CTC1: variants seen among roughly 807,000 people sequenced by gnomAD.
CTC1 encodes CST telomere replication complex component 1, also known as CST complex subunit CTC1.
Under a neutral mutation model 136.3 loss-of-function variants are expected in CTC1, and 91 were observed. The ratio of observed to expected loss-of-function variants is 0.67; its 90% CI spans 0.56 to 0.79. The LOEUF (loss-of-function observed/expected upper bound fraction) is 0.79. CTC1 is among the 30% of genes least tolerant of loss of function. The probability of loss-of-function intolerance (pLI) is 0.00; values close to 1 mark genes in which losing one functional copy is unlikely to be tolerated. For missense variants in CTC1, 1,432 were observed against 1,498.1 expected (o/e 0.96, Z 0.73); for synonymous variants, 606 against 613.8 (o/e 0.99, Z 0.19).
Position 8,234,862 on chromosome 17 carries a change from G to T in CTC1, c.1504C>A (p.Leu502Met). ...LQHSSPGSPS[L>M]GLQLLAPTLD... ...GTAGGAGCCAGGAGTTGCAGTCCCAGGCTGGGGCTCCCAGGAGAGGAATGT... is the reference window on the plus strand; with the variant it reads ...GTAGGAGCCAGGAGTTGCAGTCCCATGCTGGGGCTCCCAGGAGAGGAATGT... Residue 502 changes from leucine (L) to methionine (M), a missense_variant, in exon 9 of 23, where the codon CTG (leucine) becomes ATG (methionine). Transcript: ENST00000651323. 1 of 1,613,274 alleles carries T rather than the reference G, an allele frequency of 6.2e-7. No individual in the cohort carries two copies. The highest frequency in any genetic ancestry group is 8.5e-7 in the Non-Finnish European group (1 of 1,179,600).
rs909730903 is a variant in CTC1 at position 8,235,486 on chromosome 17, T to G, written c.1207-201A>C. ...ATCTCCCATGAGCTCCACTCAGTCT[T>G]GCTGTGGGCTGGGTGGCTCCTGGAT... On this transcript the variant is annotated intron_variant, in intron 7 of 22. Transcript: ENST00000651323. 3 of 602,756 alleles carry G rather than the reference T, an allele frequency of 5.0e-6. No homozygotes were observed. The East Asian group carries it at 8.3e-5, about 17-fold the overall frequency. The allele number at this position is 602,756 out of a possible 1,614,324, so 37.3% of individuals were successfully genotyped here. A position where few individuals can be genotyped will look rare whatever the true frequency, so the allele number is the denominator to read the frequency against.
chr17:8,242,531 GAGAAAAAA>G (rs374822063), intron 2 of CTC1, among the ~76,000 whole-genome samples: 842 of 79,468 alleles, frequency 0.011, 3 homozygotes, highest in Middle Eastern at 0.047. Flanking sequence ...ATAGTGTAGA[GAGAAAAAA>G]AAAAAAAAAA....
intron 1 of CTC1, 87 bp from the exon 2 acceptor site, chr17:8,243,235 C>G (rs532866429): frequency 7.5e-7 from 1 of 1,324,864 alleles, no homozygotes. Context: ...AAAAAAATAT[C>G]CGGGCCGGGT....
chr17:8,243,240 C>T lies in CTC1; in HGVS notation c.34-92G>A, dbSNP rs947576994. 6.3e-6 allele frequency: 8 copies of T among 1,272,366 alleles called. No homozygotes were observed. The African/African-American group carries it at 1.1e-4, about 17-fold the overall frequency. 78.8% of individuals were successfully genotyped at this position (1,272,366 alleles called of 1,614,324 possible). On this transcript the variant is annotated intron_variant, in intron 1 of 22. Coordinates refer to ENST00000651323, the MANE Select transcript of CTC1 (RefSeq NM_025099.6). ...AAAGGACTAGAAAAAAATATCCGGG[C>T]CGGGTGCGGTGGCTCACGCCTGTAA...
chr17:8,228,560 G>T lies in CTC1; in HGVS notation c.3457C>A (p.Arg1153Ser). Residue 1153 changes from arginine to serine, a missense_variant, in exon 22 of 23, where the codon CGT becomes AGT. Coordinates refer to ENST00000651323, the MANE Select transcript of CTC1 (RefSeq NM_025099.6). Reference protein sequence around the residue: ...WTLCTSPSVLRPIVLSFELER... With the variant: ...WTLCTSPSVLSPIVLSFELER... ...AGCTCAAAAGAAAGCACAATAGGAC[G>T]GAGGACAGAGGGGCTAGTACAAAGT... 6.2e-7 allele frequency: 1 copy of T among 1,614,144 alleles called. No homozygotes were observed. The highest frequency in any genetic ancestry group is 1.1e-5 in the South Asian group (1 of 91,084).
chr17:8,234,681 G>A, intron 9 of CTC1, 26 bp from the exon 10 acceptor site: 1 of 1,592,638 alleles, frequency 6.3e-7, no homozygotes, highest in East Asian at 2.2e-5. Flanking sequence ...GAGAAATCGG[G>A]TGTGTGTCCC....
intron 4 of CTC1, 59 bp from the exon 5 acceptor site, chr17:8,237,578 T>C (rs1987837533): frequency 6.9e-7 from 1 of 1,445,692 alleles, no homozygotes; most frequent in Non-Finnish European, 9.4e-7. Flanking sequence ...GGGAGGAGAA[T>C]CACTTGAACC....
chr17:8,238,289 T>G, intron 3 of CTC1, 47 bp from the exon 4 acceptor site: 1 of 1,562,924 alleles, frequency 6.4e-7, no homozygotes, highest in African/African-American at 1.4e-5. Context: ...TAGCATCCTA[T>G]CCACCCACCT....
chr17:8,228,219 C>G lies in CTC1; in HGVS notation c.3615G>C (p.Glu1205Asp). 1 of 1,614,102 alleles carries G rather than the reference C, an allele frequency of 6.2e-7. No individual in the cohort carries two copies. Among genetic ancestry groups the G allele is most frequent in the South Asian group, 1.1e-5 (1 of 91,078 alleles). The change falls in exon 23 of 23, where the codon GAG (glutamate) becomes GAC (aspartate). Residue 1205 changes from glutamate (E) to aspartate (D), a missense_variant. Transcript: ENST00000651323. ...CAAGGATCCCCAGAGAGCTGGAGTA[C>G]TCTGACTCTCGGATAGAAAGGCAGG... Reference protein sequence around the residue: ...RLSCLSIRESEYSSSLGILAS... With the variant: ...RLSCLSIRESDYSSSLGILAS...
chr17:8,247,887 C>G (rs1988897954), intron 1 of CTC1, 117 bp downstream of exon 1: 1 of 1,032,224 alleles, frequency 9.7e-7, no homozygotes, highest in Non-Finnish European at 1.5e-6. Context: ...AACCCCCTCA[C>G]CCATGGGCCG....
Position 8,231,776 on chromosome 17 carries a change from C to G in CTC1, c.2425G>C (p.Glu809Gln), listed in dbSNP as rs761824247. The change falls in exon 14 of 23, where the codon GAG becomes CAG. Residue 809 changes from glutamate (E) to glutamine (Q), a missense_variant. Coordinates refer to ENST00000651323, the MANE Select transcript of CTC1 (RefSeq NM_025099.6). ...TACACCTGTCCCGGGTGCAAGAACT[C>G]AAACCAGCGGACTGAAGAGCCAAAG... is the stretch of plus-strand genomic sequence containing the variant. ...IFFGSSVRWF[E>Q]FLHPGQVYRL... The G allele has an allele frequency of 6.2e-7, 1 of 1,614,196 alleles. No individual in the cohort carries two copies. The highest frequency in any genetic ancestry group is 1.1e-5 in the South Asian group (1 of 91,080).
rs1218513356 is a variant in CTC1 at position 8,234,458 on chromosome 17, G to A, written c.1815C>T (p.Ala605=). The change falls in exon 10 of 23, where the codon GCC becomes GCT. Residue 605 remains alanine, a synonymous_variant. Coordinates refer to ENST00000651323, the MANE Select transcript of CTC1 (RefSeq NM_025099.6). The part of the protein sequence containing the change: ...LCLLPSAFCP[A]QVLLGVLVAS... Reference sequence around the variant, plus strand: ...GCCCTGCTAGGGTCCCCCTTACCTGGGCTGGGCAGAAGGCAGAGGGCAGCA... The same window carrying A: ...GCCCTGCTAGGGTCCCCCTTACCTGAGCTGGGCAGAAGGCAGAGGGCAGCA... 1 of 1,551,934 alleles carries A rather than the reference G, an allele frequency of 6.4e-7. No homozygotes were observed.
rs1042624966 is a variant in CTC1, at chr17:8,231,744, G to A, written c.2457C>T (p.Leu819=). 8.1e-6 allele frequency: 13 copies of A among 1,614,092 alleles called. No individual in the cohort carries two copies. The highest frequency in any genetic ancestry group is 6.7e-5 in the East Asian group (3 of 44,878). Residue 819 remains leucine (L), a synonymous_variant, in exon 14 of 23, where the codon CTC becomes CTT. Transcript: ENST00000651323. The part of the protein sequence containing the change: ...EFLHPGQVYR[L]IAPGPATPML... Reference sequence around the variant, plus strand: ...CACTCACAGCGGGGCCAGGAGCTATGAGTCGGTACACCTGTCCCGGGTGCA... The same window carrying A: ...CACTCACAGCGGGGCCAGGAGCTATAAGTCGGTACACCTGTCCCGGGTGCA...
chr17:8,238,337 C>T, intron 3 of CTC1, 55 bp downstream of exon 3: 1 of 1,578,848 alleles, frequency 6.3e-7, no homozygotes, highest in Middle Eastern at 1.7e-4. Flanking sequence ...TGCCTTGATC[C>T]TTGGACACCA....
rs909936817 is a variant in CTC1 at position 8,226,680 on chromosome 17, G to C, written c.*1500C>G. 17 of 152,234 alleles carry C rather than the reference G, an allele frequency of 1.1e-4. No individual in the cohort carries two copies. Among genetic ancestry groups the C allele is most frequent in the African/African-American group, 4.1e-4 (17 of 41,552 alleles). The allele number at this position is 152,234 out of a possible 1,614,324, so 9.4% of individuals were successfully genotyped here. A position where few individuals can be genotyped will look rare whatever the true frequency, so the allele number is the denominator to read the frequency against. ...TTCTAGTCCATCGCCTTAACCACTC[G>C]GCCACGACTACGAGGCTTAGGGCTT... On this transcript the variant is annotated 3_prime_UTR_variant, in exon 23 of 23. Transcript: ENST00000651323.
rs1053748363 is a variant in CTC1 at position 8,234,589 on chromosome 17, T to TA, written c.1683dup (p.Lys562Ter). On this transcript the variant is annotated frameshift_variant, in exon 10 of 23. Transcript: ENST00000651323. LOFTEE classifies it high-confidence loss of function. ...TTAGGGTCAAAGGAGGCCCAGGCCT[T>TA]ACGCTGTCCTTCTTCTTTCAGGGTG... 11 of 1,609,818 alleles carry TA rather than the reference T, an allele frequency of 6.8e-6. No individual in the cohort carries two copies. The African/African-American group carries it at 1.3e-4, about 20-fold the overall frequency.
intron 1 of CTC1, among the ~76,000 whole-genome samples, chr17:8,243,931 G>A (rs1988481505): frequency 6.6e-6 from 1 of 152,276 alleles, no homozygotes; most frequent in East Asian, 1.9e-4. Flanking sequence ...AGCCAGGCGT[G>A]GTGGCACATG....
Position 8,230,395 on chromosome 17 carries a change from AG to A in CTC1, c.2831del (p.Pro944LeufsTer7), listed in dbSNP as rs199473677. 341 of 1,614,126 alleles carry A rather than the reference AG, an allele frequency of 2.1e-4. No homozygotes were observed. Among genetic ancestry groups the A allele is most frequent in the Middle Eastern group, 3.3e-4 (2 of 6,058 alleles). On this transcript the variant is annotated frameshift_variant, in exon 17 of 23. Transcript: ENST00000651323. LOFTEE classifies it high-confidence loss of function. ...GGTCTTCTATATATACATCCAGGTG[AG>A]GGGGGAATTCACATTCAGCAGTCTC... Reference protein sequence around the residue: ...ALETAECEFPPHLDVYIEDPH... With the variant: ...ALETAECEFPXHLDVYIEDPH...
chr17:8,233,239 G>T (rs890835375), intron 10 of CTC1: 2 of 561,550 alleles, frequency 3.6e-6, no homozygotes, highest in Non-Finnish European at 6.3e-6. Flanking sequence ...AAGAGAAAGC[G>T]CACAAATAGA....
Sources: allele counts gnomAD v4.1 joint callset (sites outside exome capture counted in the v4.1 genomes callset), GRCh38; gene constraint gnomAD v4.1.1; transcripts MANE v1.5; gene names NCBI Gene and HGNC (gene_info 2026-07-23, HGNC 2026-07-21).